Variants in CDH13 observed in about 807,000 individuals in gnomAD.
CDH13 encodes cadherin-13.
A neutral mutation model predicts 63.8 loss-of-function variants in CDH13; 24 were observed. The ratio of observed to expected loss-of-function variants is 0.38; its 90% CI spans 0.27 to 0.53. The LOEUF (loss-of-function observed/expected upper bound fraction) is 0.53. Among genes scored for constraint, CDH13 ranks in the 20% least tolerant of loss-of-function variants. CDH13 has a pLI of 0.85. For synonymous variants in CDH13, 503 were observed against 355.3 expected (o/e 1.42, Z -4.67); for missense variants, 1,049 against 903.1 (o/e 1.16, Z -2.07).
intron 5 of CDH13, among the ~76,000 whole-genome samples, chr16:83,319,613 A>T (rs2090177717): frequency 6.6e-6 from 1 of 152,254 alleles, no homozygotes; most frequent in African/African-American, 2.4e-5. Context: ...CAAGGAGAAT[A>T]AGTTTTAAAT....
At chr16:83,316,155 C>T (rs1409709899) in intron 5 of CDH13, among the ~76,000 whole-genome samples, 1 of 152,160 alleles carries the variant, frequency 6.6e-6, no homozygotes, top group Non-Finnish European at 1.5e-5. Context: ...TGAGAACTCA[C>T]TGACTATCAC....
chr16:82,917,358 G>A (rs2042022597), intron 2 of CDH13, among the ~76,000 whole-genome samples: 1 of 152,078 alleles, frequency 6.6e-6, no homozygotes, highest in Admixed American at 6.6e-5. Flanking sequence ...AGGTTCAGAG[G>A]AAAATTTAGA....
At chr16:82,889,293 C>G (rs988045685) in intron 2 of CDH13, among the ~76,000 whole-genome samples, 3 of 134,108 alleles carry the variant, frequency 2.2e-5, no homozygotes, top group Admixed American at 7.3e-5. Context: ...TTGTCTGTCT[C>G]TCTATTATCT....
At chr16:83,032,891 C>T (rs1029230931) in intron 3 of CDH13, among the ~76,000 whole-genome samples, 2 of 152,036 alleles carry the variant, frequency 1.3e-5, no homozygotes, top group Admixed American at 6.6e-5. Flanking sequence ...GGTGGATAGA[C>T]CAGAAAAGGT....
At chr16:82,828,044 C>T (rs1237884680) in intron 1 of CDH13, among the ~76,000 whole-genome samples, 1 of 152,104 alleles carries the variant, frequency 6.6e-6, no homozygotes, top group African/African-American at 2.4e-5. Flanking sequence ...GACAGTTGGT[C>T]ATCCTATTAT....
At chr16:83,156,489 G>A (rs1327597094) in intron 4 of CDH13, among the ~76,000 whole-genome samples, 2 of 152,088 alleles carry the variant, frequency 1.3e-5, no homozygotes, top group Non-Finnish European at 2.9e-5. Flanking sequence ...TTTCCTTTAG[G>A]GGAGTGATTG....
At chr16:83,293,156 T>C (rs1374343326) in intron 5 of CDH13, among the ~76,000 whole-genome samples, 1 of 152,186 alleles carries the variant, frequency 6.6e-6, no homozygotes, top group Non-Finnish European at 1.5e-5. Flanking sequence ...GAATATGCAT[T>C]GGGCTTTTAT....
intron 3 of CDH13, 62 bp downstream of exon 3, chr16:83,032,280 G>A: frequency 7.9e-7 from 1 of 1,270,980 alleles, no homozygotes. Context: ...TCTGTCTTAT[G>A]TGGAAAATGG....
At chr16:83,270,259 C>T (rs2088761847) in intron 5 of CDH13, among the ~76,000 whole-genome samples, 1 of 152,114 alleles carries the variant, frequency 6.6e-6, no homozygotes, top group Admixed American at 6.5e-5. Flanking sequence ...TAAAATGGCC[C>T]TGTCATGCTG....
intron 10 of CDH13, among the ~76,000 whole-genome samples, chr16:83,738,308 G>A (rs370877578): frequency 1.3e-5 from 2 of 152,346 alleles, no homozygotes; most frequent in African/African-American, 4.8e-5. Context: ...CCAAATGAGC[G>A]AGTGAACAGT....
chr16:83,592,199 G>A (rs935687326), intron 7 of CDH13, among the ~76,000 whole-genome samples: 30 of 152,272 alleles, frequency 2.0e-4, no homozygotes, highest in African/African-American at 7.0e-4. Context: ...CACAGTAAGT[G>A]CTCAATCAAT....
At chr16:83,308,614 G>T (rs2089932132) in intron 5 of CDH13, among the ~76,000 whole-genome samples, 1 of 152,206 alleles carries the variant, frequency 6.6e-6, no homozygotes, top group Admixed American at 6.5e-5. Flanking sequence ...CTGAGCCTGG[G>T]TGATTTATGG....
At chr16:83,374,089 C>T (rs1226823462) in intron 6 of CDH13, among the ~76,000 whole-genome samples, 10 of 152,286 alleles carry the variant, frequency 6.6e-5, no homozygotes, top group East Asian at 1.9e-4. Context: ...AATGATGCTC[C>T]GCAAAGAGTG....
At chr16:83,353,615 C>T (rs1036989715) in intron 6 of CDH13, among the ~76,000 whole-genome samples, 1 of 152,236 alleles carries the variant, frequency 6.6e-6, no homozygotes, top group Non-Finnish European at 1.5e-5. Flanking sequence ...TCTCTCTCCC[C>T]CTAAATTCAC....
intron 6 of CDH13, among the ~76,000 whole-genome samples, chr16:83,478,422 T>C (rs1355186567): frequency 6.6e-5 from 10 of 151,970 alleles, no homozygotes. Flanking sequence ...TTGAGGCCAG[T>C]GGAACTAGGC....
chr16:83,505,972 C>A (rs2074385993), intron 7 of CDH13, among the ~76,000 whole-genome samples: 2 of 152,184 alleles, frequency 1.3e-5, no homozygotes, highest in African/African-American at 4.8e-5. Flanking sequence ...CCGGGAGAAG[C>A]TGAGAGTCAC....
At chr16:82,797,009 C>A (rs936297324) in intron 1 of CDH13, among the ~76,000 whole-genome samples, 1 of 152,178 alleles carries the variant, frequency 6.6e-6, no homozygotes, top group African/African-American at 2.4e-5. Flanking sequence ...GCCAAACCAG[C>A]CTGACACAGT....
At chr16:82,751,917 AG>A (rs1396054404) in intron 1 of CDH13, among the ~76,000 whole-genome samples, 8 of 152,196 alleles carry the variant, frequency 5.3e-5, no homozygotes, top group Non-Finnish European at 1.0e-4. Context: ...GATGTAGGCC[AG>A]CCCCATACTT....
At chr16:83,399,777 C>G (rs2091940017) in intron 6 of CDH13, among the ~76,000 whole-genome samples, 1 of 152,122 alleles carries the variant, frequency 6.6e-6, no homozygotes, top group Admixed American at 6.5e-5. Context: ...AGCACAGACT[C>G]CTTTGCTTTG....
Sources: allele counts gnomAD v4.1 joint callset (sites outside exome capture counted in the v4.1 genomes callset), GRCh38; gene constraint gnomAD v4.1.1; transcripts MANE v1.5; gene names NCBI Gene and HGNC (gene_info 2026-07-23, HGNC 2026-07-21).